The following TMEM232 variants were observed in gnomAD, a reference collection of about 807,000 sequenced individuals.
The protein encoded by TMEM232 is transmembrane protein 232.
A neutral mutation model predicts 78.8 loss-of-function variants in TMEM232; 80 were observed. The observed-to-expected ratio is 1.01, with a 90% CI of 0.85 to 1.22. The LOEUF is 1.22. Ranked by LOEUF, TMEM232 falls within the 50% of genes most tolerant of loss-of-function variation. The pLI is 0.00. For synonymous variants in TMEM232, 297 were observed against 254.3 expected (o/e 1.17, Z -1.60); for missense variants, 881 against 742.2 (o/e 1.19, Z -2.17).
intron 12 of TMEM232, 56 bp downstream of exon 12, chr5:110,528,532 T>G (rs1561633051): frequency 1.4e-6 from 2 of 1,401,298 alleles, no homozygotes; most frequent in Non-Finnish European, 1.9e-6. Flanking sequence ...CTATAATTTC[T>G]GTGATTTTGA....
At chr5:110,711,522 C>T (rs937805641) in intron 1 of TMEM232, among the ~76,000 whole-genome samples, 1 of 152,076 alleles carries the variant, frequency 6.6e-6, no homozygotes, top group Non-Finnish European at 1.5e-5. Flanking sequence ...TACTACAGAG[C>T]TTCAAATATA....
chr5:110,714,384 A>T (rs1219477120), intron 1 of TMEM232, among the ~76,000 whole-genome samples: 3 of 152,194 alleles, frequency 2.0e-5, no homozygotes, highest in Non-Finnish European at 4.4e-5. Flanking sequence ...CAAAATAGAA[A>T]GAATGTCACC....
intron 1 of TMEM232, among the ~76,000 whole-genome samples, chr5:110,677,088 C>T (rs1319019955): frequency 6.6e-6 from 1 of 152,122 alleles, no homozygotes; most frequent in Non-Finnish European, 1.5e-5. Flanking sequence ...GCCATTCTAA[C>T]AGTTATAAGG....
At chr5:110,530,906 C>T (rs577333119) in intron 11 of TMEM232, among the ~76,000 whole-genome samples, 1 of 152,198 alleles carries the variant, frequency 6.6e-6, no homozygotes, top group Admixed American at 6.5e-5. Context: ...TGTTAATTAG[C>T]TCAATTTGAC....
rs142654029 is a variant in TMEM232 at position 110,725,268 on chromosome 5, T to C, written c.-13+1359A>G. On this transcript the variant is annotated intron_variant, in intron 1 of 13. Transcript: ENST00000455884. The stretch of plus-strand genomic sequence containing the variant: ...ATATACTAAGATTTCTCAGTGTTAA[T>C]ATTCTCATATATACTCTACATCTCT... Among the ~76,000 whole-genome samples the C allele has an allele frequency of 3.2e-3, 487 of 152,350 alleles. 2 individuals are homozygous for C. Among genetic ancestry groups the C allele is most frequent in the Non-Finnish European group, 5.5e-3 (374 of 68,034 alleles).
In TMEM232 at chr5:110,424,816, A is replaced by G. The variant is rs771832740; in HGVS notation, c.1797+7T>C. ...TTTGCTGCTAGTTAAAAAAAAATCAATCTTACGTGATGGTCAATGATTTTT... is the reference window on the plus strand; with the variant it reads ...TTTGCTGCTAGTTAAAAAAAAATCAGTCTTACGTGATGGTCAATGATTTTT... On this transcript the variant is annotated splice_region_variant and intron_variant, in intron 13 of 13. Transcript: ENST00000455884. The G allele has an allele frequency of 1.4e-5, 22 of 1,544,584 alleles. No homozygotes were observed. The highest frequency in any genetic ancestry group is 2.7e-5 in the African/African-American group (2 of 72,734).
chr5:110,685,674 A>T (rs903414159), intron 1 of TMEM232, among the ~76,000 whole-genome samples: 5 of 152,174 alleles, frequency 3.3e-5, no homozygotes, highest in African/African-American at 1.2e-4. Flanking sequence ...AAACACTGTC[A>T]TAAAAAGACT....
intron 1 of TMEM232, among the ~76,000 whole-genome samples, chr5:110,693,399 C>T (rs1209225161): frequency 6.6e-6 from 1 of 152,186 alleles, no homozygotes; most frequent in African/African-American, 2.4e-5. Flanking sequence ...CAGAGTGCCT[C>T]TCCTCCTCCA....
intron 12 of TMEM232, among the ~76,000 whole-genome samples, chr5:110,504,621 G>A (rs1342844559): frequency 6.6e-6 from 1 of 152,190 alleles, no homozygotes. Context: ...AGACCCAAGA[G>A]TCTGTTTCAA....
intron 12 of TMEM232, among the ~76,000 whole-genome samples, chr5:110,442,291 T>C (rs1285904688): frequency 3.9e-5 from 6 of 152,102 alleles, no homozygotes; most frequent in African/African-American, 1.4e-4. Flanking sequence ...ATCTTGTAGG[T>C]AGATACTCAT....
intron 12 of TMEM232, among the ~76,000 whole-genome samples, chr5:110,518,123 ACTCTCT>A (rs71626631): frequency 7.0e-6 from 1 of 143,814 alleles, no homozygotes; most frequent in African/African-American, 2.5e-5. Flanking sequence ...CTCTATGTCT[ACTCTCT>A]CTCTCTCTCT....
chr5:110,592,830 G>T (rs923904435), intron 10 of TMEM232, among the ~76,000 whole-genome samples: 3 of 152,136 alleles, frequency 2.0e-5, no homozygotes, highest in African/African-American at 4.8e-5. Context: ...CATGTGACCT[G>T]TAGAGATAGC....
At chr5:110,669,384 A>T (rs1791061203) in intron 1 of TMEM232, among the ~76,000 whole-genome samples, 1 of 152,226 alleles carries the variant, frequency 6.6e-6, no homozygotes, top group Admixed American at 6.5e-5. Context: ...ATCTAGAAGA[A>T]ATAGATAAAT....
chr5:110,694,178 C>T (rs1414412822), intron 1 of TMEM232, among the ~76,000 whole-genome samples: 3 of 152,128 alleles, frequency 2.0e-5, no homozygotes, highest in African/African-American at 7.2e-5. Flanking sequence ...GAATTTTCAA[C>T]CCAGAATTTC....
chr5:110,501,013 C>T (rs889507355), intron 12 of TMEM232, among the ~76,000 whole-genome samples: 1 of 152,186 alleles, frequency 6.6e-6, no homozygotes, highest in African/African-American at 2.4e-5. Flanking sequence ...AAATCTTCTT[C>T]ACTTTTTTTA....
At chr5:110,645,119 G>C (rs1787300936) in intron 2 of TMEM232, among the ~76,000 whole-genome samples, 1 of 151,598 alleles carries the variant, frequency 6.6e-6, no homozygotes, top group African/African-American at 2.4e-5. Flanking sequence ...CCCAGGACCA[G>C]GTGGTTTCAT....
intron 12 of TMEM232, among the ~76,000 whole-genome samples, chr5:110,478,897 ATTTTTTTT>A (rs746104997): frequency 8.4e-4 from 94 of 111,798 alleles, no homozygotes; most frequent in African/African-American, 2.7e-3. Context: ...GGAGAAATTG[ATTTTTTTT>A]TTTTTTTTTT....
At chr5:110,734,058 C>A (rs1798938014) in intron 2 of TMEM232, among the ~76,000 whole-genome samples, 1 of 152,194 alleles carries the variant, frequency 6.6e-6, no homozygotes, top group African/African-American at 2.4e-5. Context: ...AGTATTTAAT[C>A]CTACAGTGGA....
At chr5:110,496,661 C>T (rs1275233026) in intron 12 of TMEM232, among the ~76,000 whole-genome samples, 1 of 151,908 alleles carries the variant, frequency 6.6e-6, no homozygotes, top group African/African-American at 2.4e-5. Flanking sequence ...TCTTTGTCCG[C>T]AAGGCTCATA....
Sources: allele counts gnomAD v4.1 joint callset (sites outside exome capture counted in the v4.1 genomes callset), GRCh38; gene constraint gnomAD v4.1.1; transcripts MANE v1.5; gene names NCBI Gene and HGNC (gene_info 2026-07-23, HGNC 2026-07-21).